The following CBR4 variants were observed in gnomAD, a reference collection of about 807,000 sequenced individuals.
CBR4 encodes carbonyl reductase 4.
In CBR4, 22 loss-of-function variants were observed where a neutral mutation model predicts 21.0. That is an observed-to-expected ratio of 1.05 (90% confidence interval 0.75 to 1.50). CBR4 has a LOEUF of 1.50. Among genes scored for constraint, CBR4 ranks in the 40% most tolerant of loss-of-function variants. The pLI, the probability that CBR4 is intolerant of heterozygous loss-of-function variation, is 0.00. For synonymous variants in CBR4, 100 were observed against 104.4 expected, an observed-to-expected ratio of 0.96 and a Z score of 0.26; for missense variants, 302 against 286.3, an observed-to-expected ratio of 1.05 and a Z score of -0.40.
At chr4:168,951,097 T>C (rs915533999) in intron 2 of CBR4, among the ~76,000 whole-genome samples, 6 of 152,168 alleles carry the variant, frequency 3.9e-5, no homozygotes, top group African/African-American at 1.4e-4. Flanking sequence ...TTTCGCTCTG[T>C]CACCAGGCTG....
At chr4:168,997,102 CT>C (rs5863974) in intron 4 of CBR4, among the ~76,000 whole-genome samples, 103,763 of 151,874 alleles carry the variant, frequency 0.68, 37,093 homozygotes, top group East Asian at 0.96. Context: ...CTCTACTCCC[CT>C]TTTTGCTAGG....
chr4:168,972,954 G>C (rs78658403), intron 2 of CBR4, among the ~76,000 whole-genome samples: 498 of 152,256 alleles, frequency 3.3e-3, no homozygotes, highest in Non-Finnish European at 5.2e-3. Context: ...TGTTCCTTCT[G>C]TACCGATTTT....
intron 2 of CBR4, among the ~76,000 whole-genome samples, chr4:168,909,181 C>A (rs1046532983): frequency 6.6e-6 from 1 of 152,180 alleles, no homozygotes; most frequent in African/African-American, 2.4e-5. Flanking sequence ...GACATCTAAA[C>A]ACGAATGTTT....
At chr4:168,931,620 C>T (rs1762972027) in intron 2 of CBR4, among the ~76,000 whole-genome samples, 1 of 151,726 alleles carries the variant, frequency 6.6e-6, no homozygotes, top group African/African-American at 2.4e-5. Context: ...GCAGACACAC[C>T]CCCAGGCCAA....
chr4:168,970,185 G>C (rs1247901388), intron 2 of CBR4, among the ~76,000 whole-genome samples: 1 of 152,052 alleles, frequency 6.6e-6, no homozygotes, highest in Non-Finnish European at 1.5e-5. Flanking sequence ...TTTGTAATCA[G>C]TCTTTGCTAT....
intron 2 of CBR4, chr4:168,925,181 G>A: frequency 3.2e-6 from 5 of 1,583,028 alleles, no homozygotes; most frequent in Non-Finnish European, 4.3e-6. Context: ...CAACTATTGT[G>A]TTTTATTTGT....
intron 2 of CBR4, among the ~76,000 whole-genome samples, chr4:168,940,355 A>G (rs1763228746): frequency 6.6e-6 from 1 of 152,252 alleles, no homozygotes. Flanking sequence ...AAACCTAGGC[A>G]ATACCATTCA....
intron 2 of CBR4, chr4:168,926,179 A>T (rs1245434717): frequency 2.7e-6 from 4 of 1,474,256 alleles, no homozygotes; most frequent in Non-Finnish European, 3.6e-6. Flanking sequence ...GTATATCTTG[A>T]TTAAAAATCT....
rs181692295 is a variant in CBR4 at position 168,902,737 on chromosome 4, A to G, written n.170-7972T>C. Among the ~76,000 whole-genome samples, 171 of 152,298 alleles carry G rather than the reference A, an allele frequency of 1.1e-3. 1 individual carries two copies. Among genetic ancestry groups the G allele is most frequent in the Admixed American group, 2.6e-3 (40 of 15,284 alleles). Reference sequence around the variant, plus strand: ...GGAAGGAAGGAGGACCCTTTGGACTACTTAAAAATATTGTATTTAATCAAA... The same window carrying G: ...GGAAGGAAGGAGGACCCTTTGGACTGCTTAAAAATATTGTATTTAATCAAA... On this transcript the variant is annotated intron_variant and non_coding_transcript_variant, in intron 2 of 3. Coordinates refer to the CBR4 transcript ENST00000509108.
chr4:168,996,233 G>GT (rs1371417680), intron 4 of CBR4, among the ~76,000 whole-genome samples: 10 of 152,120 alleles, frequency 6.6e-5, no homozygotes, highest in Non-Finnish European at 1.0e-4. Context: ...ACCAATGCTG[G>GT]TTTTTCCTCT....
chr4:169,009,842 TAA>T, intron 1 of CBR4, 104 bp downstream of exon 1: 1 of 1,059,006 alleles, frequency 9.4e-7, no homozygotes. Context: ...CTACATCGAG[TAA>T]CCCTAGAGCC....
intron 4 of CBR4, 89 bp from the exon 5 acceptor site, chr4:168,990,417 A>G: frequency 1.6e-6 from 2 of 1,257,228 alleles, no homozygotes; most frequent in Non-Finnish European, 2.1e-6. Flanking sequence ...GTTTCTGAAA[A>G]TTTTAATTTG....
At chr4:168,900,278 G>C (rs1268103879) in intron 2 of CBR4, among the ~76,000 whole-genome samples, 1 of 152,118 alleles carries the variant, frequency 6.6e-6, no homozygotes, top group East Asian at 1.9e-4. Context: ...GGAGGGGACA[G>C]ACATCCAAAC....
chr4:168,988,952 G>GAAA lies in CBR4; in HGVS notation c.*1195_*1197dup. On this transcript the variant is annotated 3_prime_UTR_variant, in exon 5 of 5. Coordinates refer to ENST00000306193, the MANE Select transcript of CBR4 (RefSeq NM_032783.5). ...AAATCAACATGAATGGAGTGACACT[G>GAAA]AAAATATCATACTATTCCCGATAAA... The GAAA allele has an allele frequency of 1.0e-6, 1 of 982,714 alleles. No individual in the cohort carries two copies. The highest frequency in any genetic ancestry group is 1.7e-5 in the African/African-American group (1 of 57,266). 60.9% of individuals were successfully genotyped at this position (982,714 alleles called of 1,614,324 possible).
downstream of CBR4, among the ~76,000 whole-genome samples, chr4:168,987,149 TATTA>T (rs776714104): frequency 6.6e-5 from 10 of 152,340 alleles, no homozygotes; most frequent in East Asian, 1.2e-3. Flanking sequence ...AAATTGCTGG[TATTA>T]ACAATTACTC....
intron 2 of CBR4, among the ~76,000 whole-genome samples, chr4:168,899,917 C>CAA (rs1172762037): frequency 4.6e-5 from 5 of 109,008 alleles, no homozygotes; most frequent in Non-Finnish European, 3.9e-5. Context: ...GACTCCGTCT[C>CAA]AAAAAAAAAA....
chr4:168,895,861 G>A (rs538911468), intron 2 of CBR4, among the ~76,000 whole-genome samples: 155 of 152,286 alleles, frequency 1.0e-3, no homozygotes, highest in African/African-American at 3.4e-3. Flanking sequence ...CTTCAACTTA[G>A]TATGGGGTTA....
At chr4:168,914,057 A>T (rs751951926) in intron 2 of CBR4, 2 of 1,176,254 alleles carry the variant, frequency 1.7e-6, no homozygotes, top group Admixed American at 3.4e-5. Flanking sequence ...GTGTTACATT[A>T]TTTTATTTAT....
intron 2 of CBR4, among the ~76,000 whole-genome samples, chr4:168,940,676 T>C (rs1485155220): frequency 1.3e-5 from 2 of 151,670 alleles, no homozygotes; most frequent in South Asian, 2.1e-4. Context: ...AACAAACATA[T>C]GTAAAAAAGC....
Sources: gnomAD v4.1 joint callset for allele counts (sites outside exome capture counted in the v4.1 genomes callset) on GRCh38, gnomAD v4.1.1 for gene constraint, MANE v1.5 for transcripts, NCBI Gene and HGNC (gene_info 2026-07-23, HGNC 2026-07-21) for gene names.